PPP6R3: variants seen among roughly 807,000 people sequenced by gnomAD.
The protein encoded by PPP6R3 is serine/threonine-protein phosphatase 6 regulatory subunit 3.
PPP6R3 carries 38 observed loss-of-function variants against 110.7 expected under a neutral mutation model. The observed-to-expected ratio is 0.34, with a 90% CI of 0.26 to 0.45. The LOEUF (loss-of-function observed/expected upper bound fraction) is 0.45, where lower values mean the gene tolerates loss of function less well. Ranked by LOEUF, PPP6R3 falls within the 20% of genes least tolerant of loss-of-function variation. The pLI, the probability that PPP6R3 is intolerant of heterozygous loss-of-function variation, is 1.00. For missense variants in PPP6R3, 870 were observed against 1,062.4 expected, an observed-to-expected ratio of 0.82 and a Z score of 2.52; for synonymous variants, 369 against 373.5, an observed-to-expected ratio of 0.99 and a Z score of 0.14.
chr11:68,469,808 G>T (rs528970561), intron 1 of PPP6R3, among the ~76,000 whole-genome samples: 40 of 152,094 alleles, frequency 2.6e-4, no homozygotes, highest in Non-Finnish European at 5.6e-4. Flanking sequence ...GAAATAGAAG[G>T]TTGCCATACC....
intron 5 of PPP6R3, among the ~76,000 whole-genome samples, chr11:68,549,700 T>C (rs2099363301): frequency 1.3e-5 from 2 of 152,370 alleles, no homozygotes; most frequent in Middle Eastern, 3.4e-3. Context: ...GATGGTTTAC[T>C]GGAACCAGTT....
At chr11:68,567,262 T>C (rs970166726) in intron 10 of PPP6R3, 96 bp downstream of exon 10, 2 of 1,292,082 alleles carry the variant, frequency 1.5e-6, no homozygotes, top group South Asian at 1.8e-5. Flanking sequence ...ATTATGTCAG[T>C]GACTTTTCTT....
chr11:68,568,913 C>T (rs1178855327), intron 10 of PPP6R3, among the ~76,000 whole-genome samples: 3 of 151,990 alleles, frequency 2.0e-5, no homozygotes, highest in South Asian at 2.1e-4. Context: ...CACAGGCGCC[C>T]GCCACCACAC....
At chr11:68,478,186 G>T (rs954464450) in intron 1 of PPP6R3, among the ~76,000 whole-genome samples, 1 of 151,818 alleles carries the variant, frequency 6.6e-6, no homozygotes, top group Admixed American at 6.6e-5. Context: ...CTGATCTCGT[G>T]ATACACCTGC....
chr11:68,611,196 A>G (rs1470107098), intron 23 of PPP6R3, among the ~76,000 whole-genome samples: 1 of 152,134 alleles, frequency 6.6e-6, no homozygotes, highest in Admixed American at 6.5e-5. Flanking sequence ...GTATTTTTTA[A>G]TGGTCCTTTA....
chr11:68,511,495 T>TG (rs56327782), intron 1 of PPP6R3, among the ~76,000 whole-genome samples: 13 of 147,776 alleles, frequency 8.8e-5, no homozygotes, highest in African/African-American at 2.5e-4. Context: ...TGTGTGTGTG[T>TG]TTTGAGTTGG....
At position 68,560,014 on chromosome 11, in the gene PPP6R3, A is replaced by G. The variant is rs373534990; in HGVS notation, c.845+1335A>G. 7.1e-4 allele frequency among the ~76,000 whole-genome samples: 108 copies of G among 151,564 alleles called. 2 individuals are homozygous for G. The highest frequency in any genetic ancestry group is 2.5e-3 in the African/African-American group (105 of 41,190). The stretch of plus-strand genomic sequence containing the variant: ...CCCAGCAGTACAGTACCCTCTTGCT[A>G]CTCATGCTACAAGGCCATCATTGCA... On this transcript the variant is annotated intron_variant, in intron 8 of 23. Coordinates refer to ENST00000393800, the MANE Select transcript of PPP6R3 (RefSeq NM_001164161.2).
In PPP6R3 at chr11:68,559,482, G is replaced by A. The variant is rs142541086; in HGVS notation, c.845+803G>A. On this transcript the variant is annotated intron_variant, in intron 8 of 23. Coordinates refer to ENST00000393800, the MANE Select transcript of PPP6R3 (RefSeq NM_001164161.2). ...TCATTCATTAAGCAAGGGATAGAGT[G>A]CATCCTTAGCATATGAAACTTCAGC... 3.3e-5 allele frequency among the ~76,000 whole-genome samples: 5 copies of A among 152,292 alleles called. No individual in the cohort carries two copies. The East Asian group carries it at 7.7e-4, about 23-fold the overall frequency.
At chr11:68,462,105 A>T (rs2098712336) in intron 1 of PPP6R3, among the ~76,000 whole-genome samples, 1 of 152,220 alleles carries the variant, frequency 6.6e-6, no homozygotes, top group Non-Finnish European at 1.5e-5. Context: ...GCCCTAATAC[A>T]TGTAAAACAG....
chr11:68,484,810 C>G (rs908886219), intron 1 of PPP6R3, among the ~76,000 whole-genome samples: 1 of 152,128 alleles, frequency 6.6e-6, no homozygotes, highest in Non-Finnish European at 1.5e-5. Flanking sequence ...TGGTCCCAAA[C>G]TCCTGACCTC....
chr11:68,600,442 C>T lies in PPP6R3; in HGVS notation c.2140C>T (p.Pro714Ser). ...TGTCTGGAGCACAGAGGAGCCGATG[C>T]CAACTAAAGAGACGGGCTGGGCTTC... is the stretch of plus-strand genomic sequence containing the variant. The part of the protein sequence containing the change: ...SDVWSTEEPM[P>S]TKETGWASFS... The change falls in exon 20 of 24, where the codon CCA (proline) becomes TCA (serine). Residue 714 changes from proline to serine, a missense_variant. Pro to Ser is a moderately conservative substitution (Grantham distance 74). Transcript: ENST00000393800. The T allele has an allele frequency of 6.2e-7, 1 of 1,614,120 alleles. No individual in the cohort carries two copies. The highest frequency in any genetic ancestry group is 1.1e-5 in the South Asian group (1 of 91,074).
intron 13 of PPP6R3, among the ~76,000 whole-genome samples, chr11:68,575,478 G>T (rs1444429187): frequency 6.6e-6 from 1 of 152,120 alleles, no homozygotes; most frequent in Non-Finnish European, 1.5e-5. Flanking sequence ...ACATTCATTG[G>T]CCAGCTGCCA....
intron 18 of PPP6R3, among the ~76,000 whole-genome samples, chr11:68,595,815 G>C (rs567885082): frequency 1.2e-4 from 18 of 152,310 alleles, no homozygotes; most frequent in Admixed American, 3.3e-4. Context: ...GAACACCACA[G>C]TGAAATGAAC....
chr11:68,567,298 G>A (rs759381843), intron 10 of PPP6R3, 132 bp downstream of exon 10: 46 of 1,021,754 alleles, frequency 4.5e-5, no homozygotes, highest in Non-Finnish European at 5.9e-5. Context: ...GGTGTTTTAT[G>A]TAGTTTTTGC....
At chr11:68,582,981 G>T in intron 14 of PPP6R3, 62 bp from the exon 15 acceptor site, 1 of 1,113,530 alleles carries the variant, frequency 9.0e-7, no homozygotes. Context: ...CCATAAAAAT[G>T]CTGATACAAA....
chr11:68,569,612 A>G (rs1404802082), intron 10 of PPP6R3, 136 bp from the exon 11 acceptor site: 2 of 700,232 alleles, frequency 2.9e-6, no homozygotes, highest in Non-Finnish European at 4.5e-6. Flanking sequence ...ATGTGAACTC[A>G]GGTTCCTTTT....
chr11:68,579,698 C>T (rs1326962534), intron 14 of PPP6R3, among the ~76,000 whole-genome samples: 2 of 152,180 alleles, frequency 1.3e-5, no homozygotes, highest in Non-Finnish European at 2.9e-5. Flanking sequence ...CATAATGTTT[C>T]GGTCAGCAAT....
chr11:68,491,872 A>G (rs1400546031), intron 1 of PPP6R3, among the ~76,000 whole-genome samples: 1 of 150,950 alleles, frequency 6.6e-6, no homozygotes, highest in East Asian at 1.9e-4. Flanking sequence ...GATGAGCTTA[A>G]AAAAAAAACC....
rs573889455 is a variant in PPP6R3 at position 68,587,887 on chromosome 11, A to T, written c.1633-40A>T. ...GGCAAATAGTATGTAGAATATCATTAGAATCATTATATCACTGTCACTGGT... is the reference window on the plus strand; with the variant it reads ...GGCAAATAGTATGTAGAATATCATTTGAATCATTATATCACTGTCACTGGT... On this transcript the variant is annotated intron_variant, in intron 15 of 23. Transcript: ENST00000393800. 2.0e-6 allele frequency: 3 copies of T among 1,482,366 alleles called. No individual in the cohort carries two copies. The South Asian group carries it at 3.4e-5, about 17-fold the overall frequency. The allele number at this position is 1,482,366 out of a possible 1,614,324, so 91.8% of individuals were successfully genotyped here. A position where few individuals can be genotyped will look rare whatever the true frequency, so the allele number is the denominator to read the frequency against.
Sources: gnomAD v4.1 joint callset for allele counts (sites outside exome capture counted in the v4.1 genomes callset) on GRCh38, gnomAD v4.1.1 for gene constraint, MANE v1.5 for transcripts, NCBI Gene and HGNC (gene_info 2026-07-23, HGNC 2026-07-21) for gene names.